The following NUB1 variants were observed in gnomAD, a reference collection of about 807,000 sequenced individuals.
NUB1 encodes the protein negative regulator of ubiquitin like proteins 1.
NUB1 carries 41 observed loss-of-function variants against 77.1 expected under a neutral mutation model. That is an observed-to-expected ratio of 0.53 (90% CI 0.41 to 0.69). The LOEUF (loss-of-function observed/expected upper bound fraction) is 0.69. Ranked by LOEUF, NUB1 falls within the 30% of genes least tolerant of loss-of-function variation. The pLI, the probability that NUB1 is intolerant of heterozygous loss-of-function variation, is 0.00. For synonymous variants in NUB1, 257 were observed against 281.0 expected (o/e 0.91, Z 0.85); for missense variants, 643 against 743.8 (o/e 0.86, Z 1.58).
Position 151,349,026 on chromosome 7 carries a change from CTT to C in NUB1, c.118-37_118-36del, listed in dbSNP as rs372865814. 1.1e-3 allele frequency: 1,230 copies of C among 1,160,906 alleles called. 9 individuals carry two copies. The African/African-American group carries it at 0.016, about 15-fold the overall frequency. 71.9% of individuals were successfully genotyped at this position (1,160,906 alleles called of 1,614,324 possible). On this transcript the variant is annotated intron_variant, in intron 2 of 14. Coordinates refer to ENST00000568733, the MANE Select transcript of NUB1 (RefSeq NM_001243351.2). ...TTTCATGCCCTTTTCTATATTTTGC[CTT>C]TTTTTTTTTAAGTCAGTATTGCATT...
intron 4 of NUB1, 40 bp from the exon 5 acceptor site, chr7:151,352,772 A>G: frequency 2.3e-6 from 3 of 1,303,010 alleles, no homozygotes; most frequent in African/African-American, 1.5e-5. Context: ...ATAAATCGCA[A>G]TTTTGTTTTC....
intron 7 of NUB1, among the ~76,000 whole-genome samples, chr7:151,358,724 A>C (rs1194820907): frequency 1.3e-5 from 2 of 152,202 alleles, no homozygotes; most frequent in Non-Finnish European, 2.9e-5. Context: ...CGAACATTTA[A>C]ATTGAAAAAT....
chr7:151,364,035 C>T (rs1797516318), intron 8 of NUB1, among the ~76,000 whole-genome samples: 1 of 151,406 alleles, frequency 6.6e-6, no homozygotes, highest in South Asian at 2.1e-4. Context: ...GTCAGGTGAT[C>T]CGTCCGCCTC....
chr7:151,374,261 G>A lies in NUB1; in HGVS notation c.1395+18G>A, dbSNP rs1341137472. On this transcript the variant is annotated intron_variant, in intron 12 of 14. Transcript: ENST00000568733. ...CCCTGAAGGTAGCAGCTCCCTCGGG[G>A]CCTCTGGCCTTGTCCCTGAGCAGTG... 25 of 1,550,902 alleles carry A rather than the reference G, an allele frequency of 1.6e-5. No individual in the cohort carries two copies. Among genetic ancestry groups the A allele is most frequent in the Non-Finnish European group, 2.2e-5 (25 of 1,147,196 alleles).
At chr7:151,348,568 GC>G (rs1796616883) in intron 2 of NUB1, among the ~76,000 whole-genome samples, 1 of 58,180 alleles carries the variant, frequency 1.7e-5, no homozygotes, top group African/African-American at 5.8e-5. Context: ...TTTGCTTTTT[GC>G]TTTTTTTTTT....
chr7:151,367,202 A>T (rs569811850), intron 9 of NUB1, 77 bp downstream of exon 9: 77 of 1,175,226 alleles, frequency 6.6e-5, no homozygotes, highest in South Asian at 3.0e-4. Flanking sequence ...AAAGTATTTG[A>T]ACTACTGCCA....
chr7:151,349,320 G>A (rs1364713671), intron 3 of NUB1, 80 bp downstream of exon 3: 6 of 1,195,760 alleles, frequency 5.0e-6, no homozygotes, highest in Non-Finnish European at 7.1e-6. Context: ...TGTTTGGAAA[G>A]TTACAATCCA....
chr7:151,342,442 T>C (rs562896072), intron 1 of NUB1, among the ~76,000 whole-genome samples: 11 of 152,364 alleles, frequency 7.2e-5, no homozygotes, highest in African/African-American at 2.6e-4. Context: ...GATCGATTCA[T>C]TACAAAAGTG....
intron 5 of NUB1, among the ~76,000 whole-genome samples, chr7:151,353,891 A>C (rs1796938679): frequency 6.6e-6 from 1 of 152,142 alleles, no homozygotes; most frequent in Admixed American, 6.5e-5. Flanking sequence ...CCCATTGTCT[A>C]TTTTAGATGT....
In NUB1 at chr7:151,377,042, T is replaced by G; in HGVS notation, c.1670-5T>G. ...TTCACTTACTCCTGCGGTATTTTAT[T>G]GTAGGAACCTCTAGTGCCTCAACAG... On this transcript the variant is annotated splice_region_variant and splice_polypyrimidine_tract_variant and intron_variant, in intron 14 of 14. Coordinates refer to ENST00000568733, the MANE Select transcript of NUB1 (RefSeq NM_001243351.2). 1 of 1,538,376 alleles carries G rather than the reference T, an allele frequency of 6.5e-7. No individual in the cohort carries two copies. Among genetic ancestry groups the G allele is most frequent in the Non-Finnish European group, 8.7e-7 (1 of 1,143,394 alleles).
At chr7:151,355,161 C>T (rs1407790253) in intron 5 of NUB1, among the ~76,000 whole-genome samples, 1 of 152,070 alleles carries the variant, frequency 6.6e-6, no homozygotes, top group Non-Finnish European at 1.5e-5. Flanking sequence ...TCTCATTTTC[C>T]GTTTATATTG....
chr7:151,376,232 CT>C, intron 13 of NUB1: 1 of 474,744 alleles, frequency 2.1e-6, no homozygotes. Flanking sequence ...TGCCTGTGAC[CT>C]AAAAGGATGG....
At chr7:151,365,385 T>G (rs369425733) in intron 8 of NUB1, among the ~76,000 whole-genome samples, 11 of 152,024 alleles carry the variant, frequency 7.2e-5, no homozygotes, top group African/African-American at 2.4e-4. Context: ...AAGTGCATAT[T>G]GATTTTATTT....
At chr7:151,374,736 T>G (rs1798128761) in intron 12 of NUB1, 1 of 172,388 alleles carries the variant, frequency 5.8e-6, no homozygotes, top group South Asian at 1.3e-4. Flanking sequence ...TGACTTTACC[T>G]GGGCCACTTC....
At chr7:151,355,729 A>C in intron 5 of NUB1, 39 bp from the exon 6 acceptor site, 1 of 1,514,714 alleles carries the variant, frequency 6.6e-7, no homozygotes, top group South Asian at 1.3e-5. Context: ...GGTAAGCTTA[A>C]TGGCTTTTTA....
At chr7:151,346,035 G>A (rs538172592) in intron 2 of NUB1, among the ~76,000 whole-genome samples, 8 of 152,244 alleles carry the variant, frequency 5.3e-5, no homozygotes, top group African/African-American at 1.9e-4. Flanking sequence ...ACTCATTTTT[G>A]CCAGAAATCT....
At chr7:151,376,932 G>T in intron 14 of NUB1, 115 bp from the exon 15 acceptor site, 1 of 1,413,822 alleles carries the variant, frequency 7.1e-7, no homozygotes, top group South Asian at 1.5e-5. Flanking sequence ...TCACCGGGCC[G>T]GCCACCTGGA....
At chr7:151,371,846 T>C (rs1251071448) in intron 11 of NUB1, among the ~76,000 whole-genome samples, 2 of 152,126 alleles carry the variant, frequency 1.3e-5, no homozygotes, top group Non-Finnish European at 2.9e-5. Context: ...CGGGCTCCAA[T>C]GATCCTCCTG....
At chr7:151,372,574 G>A (rs1798011385) in intron 11 of NUB1, among the ~76,000 whole-genome samples, 1 of 152,220 alleles carries the variant, frequency 6.6e-6, no homozygotes, top group South Asian at 2.1e-4. Context: ...AAATAAAAGT[G>A]CAAATGTGAG....
Sources: gnomAD v4.1 joint callset for allele counts (sites outside exome capture counted in the v4.1 genomes callset) on GRCh38, gnomAD v4.1.1 for gene constraint, MANE v1.5 for transcripts, NCBI Gene and HGNC (gene_info 2026-07-23, HGNC 2026-07-21) for gene names.